The following BTD variants were observed in gnomAD, a reference collection of about 807,000 sequenced individuals.
BTD encodes the protein biotinidase.
BTD carries 13 observed loss-of-function variants against 17.7 expected under a neutral mutation model. The ratio of observed to expected loss-of-function variants is 0.74; its 90% CI spans 0.48 to 1.17. The LOEUF is 1.17. Ranked by LOEUF, BTD falls within the 50% of genes most tolerant of loss-of-function variation. The pLI, the probability that BTD is intolerant of heterozygous loss-of-function variation, is 0.00. For synonymous variants in BTD, 240 were observed against 245.2 expected, an observed-to-expected ratio of 0.98 and a Z score of 0.20; for missense variants, 674 against 650.4, an observed-to-expected ratio of 1.04 and a Z score of -0.39.
chr3:15,679,270 A>G (rs778305597), intron 3 of BTD: 2 of 1,599,162 alleles, frequency 1.3e-6, no homozygotes, highest in Non-Finnish European at 1.7e-6. Flanking sequence ...GTGCCTGGCT[A>G]AAACTATTTA....
chr3:15,706,892 A>T (rs6771949), intron 3 of BTD, among the ~76,000 whole-genome samples: 109,703 of 152,002 alleles, frequency 0.72, 39,802 homozygotes, highest in East Asian at 0.93. Flanking sequence ...TGTCTTCTTT[A>T]GAGAAGTGTC....
intron 1 of BTD, among the ~76,000 whole-genome samples, chr3:15,628,624 T>C (rs1297717333): frequency 6.6e-6 from 1 of 152,190 alleles, no homozygotes; most frequent in African/African-American, 2.4e-5. Context: ...TTGGAAGCCA[T>C]AAGCATTCCA....
Position 15,645,140 on chromosome 3 carries a change from C to T in BTD, c.1224C>T (p.Tyr408=), listed in dbSNP as rs35145938. The T allele has an allele frequency of 2.2e-3, 3,508 of 1,614,132 alleles. 80 individuals carry two copies. In the African/African-American group the frequency reaches 0.039, roughly 18 times the overall value. The change falls in exon 4 of 4, where the codon TAC becomes TAT. Residue 408 remains tyrosine, a synonymous_variant. Coordinates refer to ENST00000643237, the MANE Select transcript of BTD (RefSeq NM_001370658.1). ...CSNGLCCYLL[Y]ERPTLSKELY... ...ATGGCCTCTGCTGTTATTTACTTTA[C>T]GAGAGGCCCACCTTATCCAAAGAGC...
Position 15,669,006 on chromosome 3 carries a change from T to A in BTD, c.399+26949T>A, listed in dbSNP as rs150565657. 309 of 152,710 alleles carry A rather than the reference T, an allele frequency of 2.0e-3. 2 individuals carry two copies. Among genetic ancestry groups the A allele is most frequent in the Middle Eastern group, 0.01 (3 of 294 alleles). The allele number at this position is 152,710 out of a possible 1,614,324, so 9.5% of individuals were successfully genotyped here. On this transcript the variant is annotated intron_variant, in intron 3 of 3. Coordinates refer to the BTD transcript ENST00000672141. ...AAATCTTTATTTAAAAGCCGAAATA[T>A]CAGCCTTCTCTCTCTCTTTTGCTAT...
At chr3:15,698,286 C>T (rs529222307) in intron 3 of BTD, among the ~76,000 whole-genome samples, 1 of 152,182 alleles carries the variant, frequency 6.6e-6, no homozygotes, top group Admixed American at 6.5e-5. Context: ...CAATATCATA[C>T]TGAATGGGCA....
chr3:15,657,894 G>A (rs959245586), downstream of BTD, among the ~76,000 whole-genome samples: 10 of 152,178 alleles, frequency 6.6e-5, no homozygotes, highest in South Asian at 2.1e-4. Flanking sequence ...GGGGCCGGGC[G>A]TGGTGGCTCA....
rs1389454960 is a variant in BTD at position 15,614,121 on chromosome 3, C to CTTTTTTTTTTTTTTTTTTT, written c.-17+12230_-17+12231insTTTTTTTTTTTTTTTTTTT. 1.5e-5 allele frequency among the ~76,000 whole-genome samples: 2 copies of CTTTTTTTTTTTTTTTTTTT among 131,726 alleles called. 1 individual carries two copies. Among genetic ancestry groups the CTTTTTTTTTTTTTTTTTTT allele is most frequent in the Non-Finnish European group, 3.1e-5 (2 of 64,652 alleles). 86.4% of individuals were successfully genotyped at this position (131,726 alleles called of 152,430 possible). A position where few individuals can be genotyped will look rare whatever the true frequency, so the allele number is the denominator to read the frequency against. ...TTATGTATTTTCTCCCTCTTTCTTTCTTTCTTTTTTTTTTTTTTTTAAGTC... is the reference window on the plus strand; with the variant it reads ...TTATGTATTTTCTCCCTCTTTCTTTCTTTTTTTTTTTTTTTTTTTTTTCTTTTTTTTTTTTTTTTAAGTC... On this transcript the variant is annotated intron_variant, in intron 1 of 3. Coordinates refer to ENST00000643237, the MANE Select transcript of BTD (RefSeq NM_001370658.1).
intron 3 of BTD, among the ~76,000 whole-genome samples, chr3:15,689,662 A>C (rs1006711229): frequency 2.0e-5 from 3 of 152,220 alleles, no homozygotes; most frequent in African/African-American, 4.8e-5. Flanking sequence ...AGTTTCAAAC[A>C]CTAGTTAATA....
At chr3:15,716,607 A>AT (rs1476122630), downstream of BTD, among the ~76,000 whole-genome samples, 1 of 152,110 alleles carries the variant, frequency 6.6e-6, no homozygotes, top group African/African-American at 2.4e-5. Flanking sequence ...TTTTACAGAC[A>AT]TAAGGAAAAA....
At chr3:15,636,890 A>T (rs2065364301) in intron 2 of BTD, among the ~76,000 whole-genome samples, 1 of 151,660 alleles carries the variant, frequency 6.6e-6, no homozygotes, top group Non-Finnish European at 1.5e-5. Flanking sequence ...CAACTTTTGC[A>T]AGGGTGACAC....
intron 3 of BTD, chr3:15,694,620 C>T: frequency 1.6e-6 from 1 of 628,798 alleles, no homozygotes. Flanking sequence ...GTTTTAATTC[C>T]ATGATAACTA....
chr3:15,694,880 C>T (rs2069315949), intron 3 of BTD: 1 of 1,401,998 alleles, frequency 7.1e-7, no homozygotes, highest in East Asian at 2.3e-5. Context: ...TCCCACCCAC[C>T]CAGTTCAAAT....
chr3:15,654,274 T>C (rs975173647), downstream of BTD, among the ~76,000 whole-genome samples: 1 of 152,294 alleles, frequency 6.6e-6, no homozygotes, highest in Admixed American at 6.5e-5. Context: ...CATTGGCTGG[T>C]TCTGCAGGCT....
At chr3:15,702,350 G>A (rs942343418) in intron 3 of BTD, among the ~76,000 whole-genome samples, 27 of 152,112 alleles carry the variant, frequency 1.8e-4, no homozygotes, top group African/African-American at 6.0e-4. Flanking sequence ...TTCATTAGAG[G>A]GTGGGGGCAG....
chr3:15,691,125 C>CT (rs535516050), intron 3 of BTD, among the ~76,000 whole-genome samples: 587 of 141,436 alleles, frequency 4.2e-3, no homozygotes, highest in Middle Eastern at 0.011. Flanking sequence ...CTGAAGTTGT[C>CT]TTTTTTTTTT....
chr3:15,645,972 A>G lies in BTD; in HGVS notation c.*484A>G, dbSNP rs2065685747. 6.5e-6 allele frequency: 1 copy of G among 154,432 alleles called. No individual in the cohort carries two copies. Among genetic ancestry groups the G allele is most frequent in the Non-Finnish European group, 1.4e-5 (1 of 69,732 alleles). The allele number at this position is 154,432 out of a possible 1,614,324, so 9.6% of individuals were successfully genotyped here. On this transcript the variant is annotated 3_prime_UTR_variant, in exon 4 of 4. Transcript: ENST00000643237. ...CAATTAGAAATGGCCCTTGTGGGGA[A>G]CCTTCCCATTCTGGTCGACCAGAAC... is the stretch of plus-strand genomic sequence containing the variant.
chr3:15,702,347 G>A (rs907335476), intron 3 of BTD, among the ~76,000 whole-genome samples: 2 of 152,180 alleles, frequency 1.3e-5, no homozygotes, highest in Non-Finnish European at 2.9e-5. Flanking sequence ...AACTTCATTA[G>A]AGGGTGGGGG....
chr3:15,657,530 G>A (rs936938804), downstream of BTD, among the ~76,000 whole-genome samples: 1 of 152,202 alleles, frequency 6.6e-6, no homozygotes, highest in African/African-American at 2.4e-5. Flanking sequence ...AACATAAGCA[G>A]TTTGTACATG....
In BTD at chr3:15,650,358, A is replaced by C. The variant is rs770074338; in HGVS notation, c.*4870A>C. ...TACCAATATATGAACTCTAGGCATC[A>C]TGCATATATAATTTTTTGTAGATAA... is the stretch of plus-strand genomic sequence containing the variant. On this transcript the variant is annotated 3_prime_UTR_variant, in exon 4 of 4. Transcript: ENST00000643237. 2.0e-5 allele frequency among the ~76,000 whole-genome samples: 3 copies of C among 151,958 alleles called. No homozygotes were observed. The highest frequency in any genetic ancestry group is 7.2e-5 in the African/African-American group (3 of 41,398).
Sources: allele counts gnomAD v4.1 joint callset (sites outside exome capture counted in the v4.1 genomes callset), GRCh38; gene constraint gnomAD v4.1.1; transcripts MANE v1.5; gene names NCBI Gene and HGNC (gene_info 2026-07-23, HGNC 2026-07-21).